The following HNRNPD variants were observed in gnomAD, a reference collection of about 807,000 sequenced individuals.
HNRNPD encodes the protein heterogeneous nuclear ribonucleoprotein D0.
HNRNPD carries 3 observed loss-of-function variants against 47.9 expected under a neutral mutation model. The observed-to-expected ratio is 0.06, with a 90% CI of 0.03 to 0.16. The LOEUF is 0.16. Among genes scored for constraint, HNRNPD ranks in the 10% least tolerant of loss-of-function variants. The pLI is 1.00. For synonymous variants in HNRNPD, 171 were observed against 165.1 expected, an observed-to-expected ratio of 1.04 and a Z score of -0.28; for missense variants, 287 against 454.2, an observed-to-expected ratio of 0.63 and a Z score of 3.35.
chr4:82,371,007 T>TACACA (rs1560440286), intron 2 of HNRNPD, among the ~76,000 whole-genome samples: 4 of 89,654 alleles, frequency 4.5e-5, no homozygotes, highest in African/African-American at 1.2e-4. Flanking sequence ...CACACACACT[T>TACACA]CTTATTAAAG....
At chr4:82,371,922 C>G (rs1033932390) in intron 1 of HNRNPD, among the ~76,000 whole-genome samples, 4 of 151,956 alleles carry the variant, frequency 2.6e-5, no homozygotes, top group Non-Finnish European at 5.9e-5. Context: ...AGTTTGCTTC[C>G]CTTCCCACCA....
At chr4:82,372,070 G>A (rs529875813) in intron 1 of HNRNPD, among the ~76,000 whole-genome samples, 1 of 151,854 alleles carries the variant, frequency 6.6e-6, no homozygotes, top group Non-Finnish European at 1.5e-5. Context: ...CTCAGTAAAG[G>A]AAATCGTGTT....
Position 82,373,928 on chromosome 4 carries a change from G to T in HNRNPD, c.-250C>A. ...GCACTAAAAAAGAATAAGCACCAGC[G>T]GCGGCCGCTCTCGCCTCCTCCTCGC... On this transcript the variant is annotated 5_prime_UTR_variant, in exon 1 of 9. Coordinates refer to ENST00000313899, the MANE Select transcript of HNRNPD (RefSeq NM_031370.3). 1.1e-6 allele frequency: 1 copy of T among 919,348 alleles called. No homozygotes were observed. Among genetic ancestry groups the T allele is most frequent in the Non-Finnish European group, 1.5e-6 (1 of 656,770 alleles). The allele number at this position is 919,348 out of a possible 1,614,324, so 56.9% of individuals were successfully genotyped here.
rs1232115057 is a variant in HNRNPD, at chr4:82,353,816, A to G, written c.*369T>C. On this transcript the variant is annotated 3_prime_UTR_variant, in exon 9 of 9. Coordinates refer to ENST00000313899, the MANE Select transcript of HNRNPD (RefSeq NM_031370.3). ...ACAATTTTTCCTATTCTGATGATAA[A>G]AGAGCCAATACATTTTTATACAAAA... is the stretch of plus-strand genomic sequence containing the variant. 1 of 152,626 alleles carries G rather than the reference A, an allele frequency of 6.6e-6. No homozygotes were observed. Among genetic ancestry groups the G allele is most frequent in the African/African-American group, 2.4e-5 (1 of 41,452 alleles). The allele number at this position is 152,626 out of a possible 1,614,324, so 9.5% of individuals were successfully genotyped here.
chr4:82,361,856 G>A (rs898179918), intron 2 of HNRNPD, among the ~76,000 whole-genome samples: 16 of 152,236 alleles, frequency 1.1e-4, no homozygotes, highest in Admixed American at 1.0e-3. Flanking sequence ...TATGGTAGTT[G>A]TTTAATATGC....
chr4:82,357,279 G>T, intron 5 of HNRNPD, 34 bp downstream of exon 5: 2 of 1,582,638 alleles, frequency 1.3e-6, no homozygotes, highest in Non-Finnish European at 1.7e-6. Flanking sequence ...ACAACAGCTA[G>T]TTTTCTCTAC....
intron 2 of HNRNPD, among the ~76,000 whole-genome samples, chr4:82,365,187 T>C (rs962640019): frequency 1.5e-4 from 23 of 152,146 alleles, no homozygotes; most frequent in Non-Finnish European, 2.5e-4. Context: ...AGCCAATCCT[T>C]TAACTTTTAA....
intron 2 of HNRNPD, among the ~76,000 whole-genome samples, chr4:82,365,708 A>C (rs1180551737): frequency 2.6e-5 from 4 of 151,470 alleles, no homozygotes; most frequent in South Asian, 4.2e-4. Flanking sequence ...AAGTTCAAGC[A>C]ATCTTCCCAT....
At chr4:82,356,070 T>A (rs1723700202) in intron 7 of HNRNPD, 1 of 153,992 alleles carries the variant, frequency 6.5e-6, no homozygotes, top group Admixed American at 6.5e-5. Context: ...GCTTTCCATG[T>A]CTAAAAGTCA....
chr4:82,364,021 G>C (rs907485569), intron 2 of HNRNPD, among the ~76,000 whole-genome samples: 6 of 152,096 alleles, frequency 3.9e-5, no homozygotes, highest in African/African-American at 1.4e-4. Flanking sequence ...CTGTCTCCCA[G>C]GCTGGAGTGC....
At chr4:82,357,488 T>C (rs952631093) in intron 4 of HNRNPD, 44 bp from the exon 5 acceptor site, 6 of 1,543,740 alleles carry the variant, frequency 3.9e-6, no homozygotes, top group Non-Finnish European at 5.2e-6. Flanking sequence ...ATGCATTTTA[T>C]TGACCTTAAA....
At chr4:82,369,575 C>CTCTTA (rs1553896467) in intron 2 of HNRNPD, among the ~76,000 whole-genome samples, 1 of 151,324 alleles carries the variant, frequency 6.6e-6, no homozygotes, top group African/African-American at 2.4e-5. Flanking sequence ...AATTTGGATA[C>CTCTTA]TCTATTAACC....
chr4:82,367,946 C>G (rs745754335), intron 2 of HNRNPD, among the ~76,000 whole-genome samples: 1 of 152,110 alleles, frequency 6.6e-6, no homozygotes, highest in African/African-American at 2.4e-5. Flanking sequence ...ACAAACATGT[C>G]GTATTACCTG....
chr4:82,356,016 A>C (rs896831508), intron 7 of HNRNPD: 10 of 153,184 alleles, frequency 6.5e-5, no homozygotes, highest in Admixed American at 6.5e-4. Context: ...AGTTGCTACA[A>C]ATCAGGTGGA....
intron 2 of HNRNPD, among the ~76,000 whole-genome samples, chr4:82,363,396 G>A (rs1058358): frequency 0.14 from 21,079 of 152,098 alleles, 3,794 homozygotes; most frequent in African/African-American, 0.42. Flanking sequence ...TTCTATGACT[G>A]TATCTTGCTT....
intron 2 of HNRNPD, among the ~76,000 whole-genome samples, chr4:82,366,889 TCTCA>T (rs1295703320): frequency 6.6e-6 from 1 of 152,048 alleles, no homozygotes; most frequent in African/African-American, 2.4e-5. Context: ...AGAGACCAGG[TCTCA>T]CTATCAAAAT....
At position 82,353,188 on chromosome 4, in the gene HNRNPD, T is replaced by C. The variant is rs977809083; in HGVS notation, c.*997A>G. On this transcript the variant is annotated 3_prime_UTR_variant, in exon 9 of 9. Transcript: ENST00000313899. Reference sequence around the variant, plus strand: ...TATCACTTAGACTCTTCAGTTTCACTTTCTTAAGAGTGACTCAAAAAGTTC... The same window carrying C: ...TATCACTTAGACTCTTCAGTTTCACCTTCTTAAGAGTGACTCAAAAAGTTC... The C allele has an allele frequency of 2.0e-5, 3 of 152,192 alleles. No homozygotes were observed. The highest frequency in any genetic ancestry group is 7.2e-5 in the African/African-American group (3 of 41,462). The allele number at this position is 152,192 out of a possible 1,614,324, so 9.4% of individuals were successfully genotyped here.
rs190128868 is a variant in HNRNPD at position 82,371,860 on chromosome 4, C to T, written c.234-276G>A. 6.6e-5 allele frequency among the ~76,000 whole-genome samples: 10 copies of T among 152,262 alleles called. 1 individual carries two copies. The highest frequency in any genetic ancestry group is 6.5e-4 in the Admixed American group (10 of 15,286). On this transcript the variant is annotated intron_variant, in intron 1 of 8. Coordinates refer to ENST00000313899, the MANE Select transcript of HNRNPD (RefSeq NM_031370.3). ...AAGTTTCCAAATATCTAACATCTTC[C>T]TTTCTCAAATAAGCTATATACAATT...
Position 82,373,481 on chromosome 4 carries a change from C to T in HNRNPD, c.198G>A (p.Ala66=). 1.3e-6 allele frequency: 2 copies of T among 1,557,364 alleles called. No homozygotes were observed. Among genetic ancestry groups the T allele is most frequent in the African/African-American group, 1.4e-5 (1 of 73,396 alleles). Residue 66 remains alanine (A), a synonymous_variant, in exon 1 of 9, where the codon GCG becomes GCA. Coordinates refer to ENST00000313899, the MANE Select transcript of HNRNPD (RefSeq NM_031370.3). ...CCTCGTTCTTACTGGCGTCAATCTT[C>T]GCCCCCTCCGACTCGGCGCTGCCCC... ...TEGGSAESEG[A]KIDASKNEED...
Sources: gnomAD v4.1 joint callset for allele counts (sites outside exome capture counted in the v4.1 genomes callset) on GRCh38, gnomAD v4.1.1 for gene constraint, MANE v1.5 for transcripts, NCBI Gene and HGNC (gene_info 2026-07-23, HGNC 2026-07-21) for gene names.